VPS39: variants seen among roughly 807,000 people sequenced by gnomAD.
The protein encoded by VPS39 is VPS39 subunit of HOPS complex.
VPS39 carries 70 observed loss-of-function variants against 121.0 expected under a neutral mutation model. The ratio of observed to expected loss-of-function variants is 0.58; its 90% CI spans 0.48 to 0.71. The LOEUF is 0.71. Among genes scored for constraint, VPS39 ranks in the 30% least tolerant of loss-of-function variants. VPS39 has a pLI of 0.00. For missense variants in VPS39, 818 were observed against 1,051.5 expected, an observed-to-expected ratio of 0.78 and a Z score of 3.07; for synonymous variants, 378 against 398.1, an observed-to-expected ratio of 0.95 and a Z score of 0.60.
intron 11 of VPS39, among the ~76,000 whole-genome samples, chr15:42,172,856 G>C (rs935159579): frequency 6.6e-6 from 1 of 152,050 alleles, no homozygotes; most frequent in Non-Finnish European, 1.5e-5. Flanking sequence ...CTACTTAAAC[G>C]ATCCAGAGTT....
At chr15:42,174,256 A>G (rs892754435) in intron 10 of VPS39, among the ~76,000 whole-genome samples, 1 of 152,094 alleles carries the variant, frequency 6.6e-6, no homozygotes, top group African/African-American at 2.4e-5. Flanking sequence ...CAAAAAAAAA[A>G]TAAAAAATAA....
chr15:42,187,850 C>CT lies in VPS39; in HGVS notation c.348dup (p.Glu117ArgfsTer4). ...ATCCGTAACACCTCCTCACCGGTCT[C>CT]TGTGTGCTGGGAGGAGACATGCAGA... On this transcript the variant is annotated frameshift_variant, in exon 6 of 25. Coordinates refer to ENST00000318006, the MANE Select transcript of VPS39 (RefSeq NM_015289.5). LOFTEE classifies it high-confidence loss of function. The CT allele has an allele frequency of 1.9e-6, 3 of 1,614,180 alleles. No individual in the cohort carries two copies. Among genetic ancestry groups the CT allele is most frequent in the Non-Finnish European group, 2.5e-6 (3 of 1,180,012 alleles).
At chr15:42,161,837 G>A in intron 23 of VPS39, 64 bp from the exon 24 acceptor site, 4 of 1,596,946 alleles carry the variant, frequency 2.5e-6, no homozygotes, top group Non-Finnish European at 3.4e-6. Context: ...AGGAGGCAGA[G>A]GCCAGCAACT....
At chr15:42,168,605 G>A (rs1327137571) in intron 12 of VPS39, among the ~76,000 whole-genome samples, 20 of 150,742 alleles carry the variant, frequency 1.3e-4, no homozygotes, top group Non-Finnish European at 7.4e-5. Context: ...GTGTAGTGGC[G>A]CAATCTCGGC....
intron 2 of VPS39, among the ~76,000 whole-genome samples, chr15:42,198,582 C>T (rs902935227): frequency 6.6e-6 from 1 of 152,176 alleles, no homozygotes; most frequent in Non-Finnish European, 1.5e-5. Flanking sequence ...CTCAATCATT[C>T]CTCCTACTTC....
intron 8 of VPS39, among the ~76,000 whole-genome samples, chr15:42,183,052 T>A (rs2140866332): frequency 6.6e-6 from 1 of 152,138 alleles, no homozygotes; most frequent in East Asian, 1.9e-4. Context: ...CCTTCTAGTC[T>A]ACTTATCTCT....
chr15:42,174,452 G>A (rs2140852699), intron 10 of VPS39, among the ~76,000 whole-genome samples: 1 of 152,268 alleles, frequency 6.6e-6, no homozygotes, highest in Non-Finnish European at 1.5e-5. Context: ...CAGACCAGAG[G>A]ACACTAAGGA....
intron 17 of VPS39, 58 bp downstream of exon 17, chr15:42,165,660 C>T (rs1595640866): frequency 2.2e-6 from 3 of 1,381,722 alleles, no homozygotes; most frequent in Non-Finnish European, 3.1e-6. Context: ...ATAACAGAAC[C>T]ACGCAGTCCT....
At chr15:42,185,264 C>T (rs1179566535) in intron 7 of VPS39, among the ~76,000 whole-genome samples, 2 of 151,756 alleles carry the variant, frequency 1.3e-5, no homozygotes, top group Admixed American at 6.6e-5. Context: ...CTGCAACCTC[C>T]GCCTCCTGGG....
At chr15:42,164,974 G>A (rs766646604) in intron 18 of VPS39, 22 bp downstream of exon 18, 15 of 1,613,842 alleles carry the variant, frequency 9.3e-6, no homozygotes, top group Admixed American at 6.7e-5. Context: ...GGGGCCAACC[G>A]GCTTCCTAAA....
Position 42,163,413 on chromosome 15 carries a change from G to A in VPS39, c.2130-18C>T, listed in dbSNP as rs1566889013. 3 of 1,614,102 alleles carry A rather than the reference G, an allele frequency of 1.9e-6. No individual in the cohort carries two copies. The highest frequency in any genetic ancestry group is 1.7e-6 in the Non-Finnish European group (2 of 1,179,966). On this transcript the variant is annotated intron_variant, in intron 20 of 24. Coordinates refer to ENST00000318006, the MANE Select transcript of VPS39 (RefSeq NM_015289.5). ...GGCAGTACCTGCAAGGGAGAGAGTG[G>A]TGAGAGCAGGTGGTGTGAGGGGGGC...
At chr15:42,188,085 C>T (rs556371378) in intron 5 of VPS39, among the ~76,000 whole-genome samples, 13 of 152,120 alleles carry the variant, frequency 8.5e-5, no homozygotes, top group Non-Finnish European at 1.9e-4. Context: ...ACCACAGCAC[C>T]AGCAAATCAC....
chr15:42,162,886 C>T (rs752687374), intron 21 of VPS39, among the ~76,000 whole-genome samples: 15 of 152,190 alleles, frequency 9.9e-5, no homozygotes, highest in Non-Finnish European at 1.5e-4. Context: ...AACCTCAGTG[C>T]GCATTCGGGG....
intron 1 of VPS39, among the ~76,000 whole-genome samples, chr15:42,203,464 A>C (rs1288987897): frequency 7.3e-6 from 1 of 137,030 alleles, no homozygotes; most frequent in Non-Finnish European, 1.5e-5. Flanking sequence ...ACGGGGCAGG[A>C]CTCTGTCTCA....
At chr15:42,191,271 T>TGGA in intron 3 of VPS39, 104 bp from the exon 4 acceptor site, 5 of 1,364,566 alleles carry the variant, frequency 3.7e-6, no homozygotes, top group Non-Finnish European at 5.1e-6. Context: ...GCCTATCCAG[T>TGGA]TACAGGGATC....
intron 8 of VPS39, among the ~76,000 whole-genome samples, chr15:42,179,552 G>C (rs1019047265): frequency 3.4e-4 from 50 of 146,240 alleles, no homozygotes; most frequent in African/African-American, 1.2e-3. Context: ...CTCCAGCCTG[G>C]GCGACAGAGC....
intron 4 of VPS39, among the ~76,000 whole-genome samples, chr15:42,189,555 C>G (rs985269228): frequency 3.3e-5 from 5 of 151,782 alleles, no homozygotes; most frequent in Admixed American, 6.6e-5. Flanking sequence ...ACAGTGAAAC[C>G]CTGTCTCTAC....
At chr15:42,208,031 G>A (rs555296066) in intron 1 of VPS39, 50 bp downstream of exon 1, 2 of 1,546,450 alleles carry the variant, frequency 1.3e-6, no homozygotes, top group East Asian at 2.4e-5. Flanking sequence ...GAAAAGATCC[G>A]GACCGCTCCT....
chr15:42,201,216 C>A (rs1308198498), intron 1 of VPS39, among the ~76,000 whole-genome samples: 1 of 151,992 alleles, frequency 6.6e-6, no homozygotes, highest in Non-Finnish European at 1.5e-5. Flanking sequence ...TACTCTGTTG[C>A]CCAGGCTAGA....
Sources: gnomAD v4.1 joint callset for allele counts (sites outside exome capture counted in the v4.1 genomes callset) on GRCh38, gnomAD v4.1.1 for gene constraint, MANE v1.5 for transcripts, NCBI Gene and HGNC (gene_info 2026-07-23, HGNC 2026-07-21) for gene names.